Variants in SF3B3 observed in about 807,000 individuals in gnomAD.
The protein encoded by SF3B3 is SAP 130.
In SF3B3, 33 loss-of-function variants were observed where a neutral mutation model predicts 139.2. The observed-to-expected ratio is 0.24, with a 90% CI of 0.18 to 0.32. The LOEUF is 0.32. Among genes scored for constraint, SF3B3 ranks in the 10% least tolerant of loss-of-function variants. The pLI, the probability that SF3B3 is intolerant of heterozygous loss-of-function variation, is 1.00. For missense variants in SF3B3, 818 were observed against 1,509.4 expected (o/e 0.54, Z 7.59); for synonymous variants, 596 against 563.6 (o/e 1.06, Z -0.81).
chr16:70,559,752 T>C (rs2050411293), intron 15 of SF3B3, among the ~76,000 whole-genome samples: 1 of 151,674 alleles, frequency 6.6e-6, no homozygotes, highest in African/African-American at 2.4e-5. Context: ...TTTTTATACA[T>C]TTGTGCTGAA....
chr16:70,548,401 G>C lies in SF3B3; in HGVS notation c.1361G>C (p.Gly454Ala). The change falls in exon 11 of 26, where the codon GGT (glycine) becomes GCT (alanine). Residue 454 changes from glycine to alanine, a missense_variant. By Grantham distance (60) the Gly-to-Ala change is moderately conservative (BLOSUM62 0). Transcript: ENST00000302516. Reference protein sequence around the residue: ...VSEMAVSELPGNPNAVWTVRR... With the variant: ...VSEMAVSELPANPNAVWTVRR... ...GAAATGGCTGTTTCTGAGCTACCTG[G>C]TAACCCCAACGCTGTCTGGACAGTG... 1 of 1,614,022 alleles carries C rather than the reference G, an allele frequency of 6.2e-7. No homozygotes were observed. Among genetic ancestry groups the C allele is most frequent in the Non-Finnish European group, 8.5e-7 (1 of 1,180,018 alleles).
intron 10 of SF3B3, among the ~76,000 whole-genome samples, chr16:70,545,395 A>G (rs954684972): frequency 6.6e-5 from 10 of 152,224 alleles, no homozygotes; most frequent in Admixed American, 4.6e-4. Context: ...TGTTTCTGCA[A>G]TGTTTCACCA....
At chr16:70,567,609 A>G in intron 21 of SF3B3, 73 bp downstream of exon 21, 3 of 1,510,880 alleles carry the variant, frequency 2.0e-6, no homozygotes, top group Non-Finnish European at 2.7e-6. Context: ...GGTGGTGGGC[A>G]TTGAGTTTTA....
chr16:70,536,807 C>T (rs1026549410), intron 6 of SF3B3, among the ~76,000 whole-genome samples: 1 of 122,656 alleles, frequency 8.2e-6, no homozygotes, highest in East Asian at 2.4e-4. Flanking sequence ...AATTTTCTTT[C>T]TTTTTTTTTT....
At chr16:70,555,013 A>G (rs763357684) in intron 12 of SF3B3, 38 bp from the exon 13 acceptor site, 25 of 1,599,870 alleles carry the variant, frequency 1.6e-5, no homozygotes, top group South Asian at 4.4e-5. Flanking sequence ...GATGAATCAA[A>G]TTGTTAAAGT....
intron 8 of SF3B3, among the ~76,000 whole-genome samples, chr16:70,540,175 A>G (rs188030588): frequency 0.012 from 1,739 of 146,344 alleles, 41 homozygotes; most frequent in African/African-American, 0.041. Flanking sequence ...CGGGCGGATC[A>G]CCTGAGGTCG....
intron 2 of SF3B3, among the ~76,000 whole-genome samples, chr16:70,528,644 G>T (rs2050090454): frequency 1.3e-5 from 2 of 151,884 alleles, no homozygotes; most frequent in Non-Finnish European, 1.5e-5. Flanking sequence ...TTGAGACGGA[G>T]TTTTGCTCTG....
At chr16:70,529,374 A>G (rs2050098758) in intron 3 of SF3B3, 175 bp downstream of exon 3, 2 of 597,544 alleles carry the variant, frequency 3.3e-6, no homozygotes, top group Non-Finnish European at 5.9e-6. Flanking sequence ...TTTTAAAACA[A>G]TGGGAAAAAT....
chr16:70,571,638 C>A, intron 25 of SF3B3, 35 bp from the exon 26 acceptor site: 1 of 1,589,290 alleles, frequency 6.3e-7, no homozygotes, highest in Non-Finnish European at 8.6e-7. Context: ...GGGCATCTCA[C>A]CATTTTTTTT....
intron 11 of SF3B3, among the ~76,000 whole-genome samples, chr16:70,549,839 C>G (rs2050305337): frequency 6.6e-6 from 1 of 152,102 alleles, no homozygotes; most frequent in African/African-American, 2.4e-5. Context: ...GCAGGAGAAT[C>G]ACTTGAACCT....
At chr16:70,564,959 C>CT (rs1235297133) in intron 18 of SF3B3, 106 bp from the exon 19 acceptor site, 19 of 1,005,552 alleles carry the variant, frequency 1.9e-5, no homozygotes, top group Non-Finnish European at 3.0e-5. Context: ...GACTTTGCTG[C>CT]TTTATGTATT....
chr16:70,561,610 G>A lies in SF3B3; in HGVS notation c.2134-20G>A. The A allele has an allele frequency of 6.2e-7, 1 of 1,607,606 alleles. No homozygotes were observed. Among genetic ancestry groups the A allele is most frequent in the African/African-American group, 1.3e-5 (1 of 74,438 alleles). ...TTTTTCCCAAACCTTATTGGAGCTG[G>A]GTTTTTTTTTTCCCCTCAGGTATTG... On this transcript the variant is annotated intron_variant, in intron 16 of 25. Transcript: ENST00000302516.
intron 6 of SF3B3, chr16:70,537,968 A>G (rs1000766648): frequency 2.7e-5 from 14 of 520,884 alleles, no homozygotes; most frequent in Admixed American, 2.2e-4. Context: ...CAGGCATTTG[A>G]TGTAGAACAG....
rs2050486371 is a variant in SF3B3, at chr16:70,567,354, G to A, written c.2827-57G>A. On this transcript the variant is annotated intron_variant, in intron 20 of 25. Coordinates refer to ENST00000302516, the MANE Select transcript of SF3B3 (RefSeq NM_012426.5). ...AGTAGGCATTTCTGGGCAGAGAGGT[G>A]AGGCCTGTGTCTGGCTGGCATTTAT... 3 of 1,564,158 alleles carry A rather than the reference G, an allele frequency of 1.9e-6. No individual in the cohort carries two copies. In the East Asian group the frequency reaches 6.8e-5, roughly 35 times the overall value.
At position 70,525,957 on chromosome 16, in the gene SF3B3, C is replaced by CAA. The variant is rs920550920; in HGVS notation, c.-70-608_-70-607dup. Among the ~76,000 whole-genome samples the CAA allele has an allele frequency of 4.6e-3, 188 of 41,242 alleles. 2 individuals are homozygous for CAA. The highest frequency in any genetic ancestry group is 6.6e-3 in the Non-Finnish European group (139 of 21,104). The allele number at this position is 41,242 out of a possible 152,430, so 27.1% of individuals were successfully genotyped here. A position where few individuals can be genotyped will look rare whatever the true frequency, so the allele number is the denominator to read the frequency against. On this transcript the variant is annotated intron_variant, in intron 1 of 25. Transcript: ENST00000302516. ...GCCTGGGCGACAGATTGAGACGCCT[C>CAA]AAAAAAAAAAAAAAAAAAAAAAAGG...
At chr16:70,550,382 T>G (rs2050311560) in intron 11 of SF3B3, 1 of 152,216 alleles carries the variant, frequency 6.6e-6, no homozygotes, top group Non-Finnish European at 1.5e-5. Flanking sequence ...AACTTGTAGT[T>G]GAACATTTTT....
At chr16:70,549,107 A>C (rs2050297046) in intron 11 of SF3B3, among the ~76,000 whole-genome samples, 1 of 152,236 alleles carries the variant, frequency 6.6e-6, no homozygotes, top group South Asian at 2.1e-4. Context: ...AAGAAAGCTC[A>C]GTCTCATTTT....
In SF3B3 at chr16:70,530,127, A is replaced by AAAATAAATAAAT. The variant is rs148897352; in HGVS notation, c.398-583_398-572dup. ...GACGACAGAGTGAGACTGCATCTCA[A>AAAATAAATAAAT]AAATAAATAAATAAATAAATAAATA... On this transcript the variant is annotated intron_variant, in intron 3 of 25. Coordinates refer to ENST00000302516, the MANE Select transcript of SF3B3 (RefSeq NM_012426.5). Among the ~76,000 whole-genome samples the AAAATAAATAAAT allele has an allele frequency of 3.9e-3, 519 of 133,118 alleles. 3 individuals are homozygous for AAAATAAATAAAT. The highest frequency in any genetic ancestry group is 6.2e-3 in the East Asian group (28 of 4,510). 87.3% of individuals were successfully genotyped at this position (133,118 alleles called of 152,430 possible). A position where few individuals can be genotyped will look rare whatever the true frequency, so the allele number is the denominator to read the frequency against.
intron 24 of SF3B3, 116 bp downstream of exon 24, chr16:70,570,265 T>C (rs1475405866): frequency 9.4e-7 from 1 of 1,064,674 alleles, no homozygotes; most frequent in Non-Finnish European, 1.4e-6. Flanking sequence ...TTCTGGGAAT[T>C]ATAAAGTGAC....
Sources: gnomAD v4.1 joint callset for allele counts (sites outside exome capture counted in the v4.1 genomes callset) on GRCh38, gnomAD v4.1.1 for gene constraint, MANE v1.5 for transcripts, NCBI Gene and HGNC (gene_info 2026-07-23, HGNC 2026-07-21) for gene names.